BMP2K: variants seen among roughly 807,000 people sequenced by gnomAD.
BMP2K encodes BMP-2-inducible protein kinase.
In BMP2K, 74 loss-of-function variants were observed where a neutral mutation model predicts 116.0. The observed-to-expected ratio is 0.64, with a 90% CI of 0.53 to 0.77. The LOEUF is 0.77. Ranked by LOEUF, BMP2K falls within the 30% of genes least tolerant of loss-of-function variation. The pLI, the probability that BMP2K is intolerant of heterozygous loss-of-function variation, is 0.00. For synonymous variants in BMP2K, 486 were observed against 502.5 expected (o/e 0.97, Z 0.44); for missense variants, 1,365 against 1,403.6 (o/e 0.97, Z 0.44).
chr4:78,833,808 T>G, intron 3 of BMP2K, 121 bp downstream of exon 3: 1 of 657,980 alleles, frequency 1.5e-6, no homozygotes, highest in South Asian at 1.8e-5. Flanking sequence ...TAATCTTACC[T>G]TTCATTATCT....
At chr4:78,795,545 A>C (rs1490471597) in intron 1 of BMP2K, among the ~76,000 whole-genome samples, 5 of 152,158 alleles carry the variant, frequency 3.3e-5, no homozygotes, top group East Asian at 1.9e-4. Flanking sequence ...AATGGGATCT[A>C]ATTAAACTAA....
chr4:78,776,537 C>A lies in BMP2K; in HGVS notation c.-7C>A, dbSNP rs1268588281. On this transcript the variant is annotated 5_prime_UTR_variant, in exon 1 of 16. Coordinates refer to ENST00000502613, the MANE Select transcript of BMP2K (RefSeq NM_198892.2). ...CTCCCTGCGCCCTCCAGCTCGCCGG[C>A]GGGACCATGAAGAAGTTCTCTCGGA... 8.8e-7 allele frequency: 1 copy of A among 1,135,580 alleles called. No individual in the cohort carries two copies. Among genetic ancestry groups the A allele is most frequent in the East Asian group, 4.9e-5 (1 of 20,558 alleles). 70.3% of individuals were successfully genotyped at this position (1,135,580 alleles called of 1,614,324 possible). A position where few individuals can be genotyped will look rare whatever the true frequency, so the allele number is the denominator to read the frequency against.
chr4:78,878,968 T>G (rs761978239), intron 14 of BMP2K, 77 bp downstream of exon 14: 1 of 1,543,138 alleles, frequency 6.5e-7, no homozygotes, highest in Admixed American at 2.3e-5. Context: ...GCCAAAGACT[T>G]TTGAGAATGT....
At chr4:78,847,131 G>C (rs1462645643) in intron 5 of BMP2K, 57 bp from the exon 6 acceptor site, 1 of 991,096 alleles carries the variant, frequency 1.0e-6, no homozygotes, top group Non-Finnish European at 1.3e-6. Flanking sequence ...TGTATTATCT[G>C]TCTTTTTTTT....
chr4:78,831,177 A>G (rs553770441), intron 2 of BMP2K, among the ~76,000 whole-genome samples: 136 of 152,342 alleles, frequency 8.9e-4, no homozygotes, highest in African/African-American at 3.1e-3. Context: ...CAGTTAGAAC[A>G]CATATAACAT....
chr4:78,863,290 A>G (rs1278897312), intron 9 of BMP2K, among the ~76,000 whole-genome samples: 2 of 152,120 alleles, frequency 1.3e-5, no homozygotes, highest in Non-Finnish European at 2.9e-5. Flanking sequence ...ATATTAAAAA[A>G]TTTAGTTTTT....
chr4:78,832,500 G>A (rs1342516731), intron 2 of BMP2K, among the ~76,000 whole-genome samples: 1 of 152,122 alleles, frequency 6.6e-6, no homozygotes, highest in Non-Finnish European at 1.5e-5. Flanking sequence ...CTAGATTAGA[G>A]ATGATTAGAC....
At chr4:78,785,134 G>A (rs541602531) in intron 1 of BMP2K, among the ~76,000 whole-genome samples, 12 of 151,784 alleles carry the variant, frequency 7.9e-5, no homozygotes, top group Admixed American at 2.0e-4. Flanking sequence ...TTTTCAAGAC[G>A]GAGTCTTGCT....
rs1370710501 is a variant in BMP2K, at chr4:78,912,651, AATG to A, written c.*621_*623del. 6.6e-6 allele frequency: 1 copy of A among 152,230 alleles called. No individual in the cohort carries two copies. Among genetic ancestry groups the A allele is most frequent in the Non-Finnish European group, 1.5e-5 (1 of 68,050 alleles). The allele number at this position is 152,230 out of a possible 1,614,324, so 9.4% of individuals were successfully genotyped here. A position where few individuals can be genotyped will look rare whatever the true frequency, so the allele number is the denominator to read the frequency against. ...CAAGTGCCATTAAAATGGAATATCT[AATG>A]ATAAGCATATGAAATAATGTGTAAT... On this transcript the variant is annotated 3_prime_UTR_variant, in exon 16 of 16. Coordinates refer to ENST00000502613, the MANE Select transcript of BMP2K (RefSeq NM_198892.2).
rs541072823 is a variant in BMP2K, at chr4:78,847,245, C to T, written c.726C>T (p.Pro242=). The T allele has an allele frequency of 5.8e-5, 92 of 1,594,936 alleles. 1 individual carries two copies. The South Asian group carries it at 9.4e-4, about 16-fold the overall frequency. ...PEMINLYGGK[P]ITTKADIWAL... is the part of the protein sequence containing the mutation. The stretch of plus-strand genomic sequence containing the variant: ...TGATCAACCTTTATGGAGGGAAACC[C>T]ATCACCACCAAGGCTGATATCTGGG... Residue 242 remains proline (P), a synonymous_variant, in exon 6 of 16, where the codon CCC becomes CCT. Transcript: ENST00000502613.
At chr4:78,796,385 G>T (rs1332566033) in intron 1 of BMP2K, among the ~76,000 whole-genome samples, 2 of 136,902 alleles carry the variant, frequency 1.5e-5, no homozygotes, top group African/African-American at 5.4e-5. Flanking sequence ...GGGGACTGTT[G>T]GGGGGTGGGG....
At chr4:78,818,788 G>GTGTTTT (rs1553914922) in intron 1 of BMP2K, among the ~76,000 whole-genome samples, 2 of 147,496 alleles carry the variant, frequency 1.4e-5, no homozygotes, top group Non-Finnish European at 3.0e-5. Context: ...AGATGAAGCA[G>GTGTTTT]TGTTTTTTTT....
chr4:78,796,425 T>C (rs1290160774), intron 1 of BMP2K, among the ~76,000 whole-genome samples: 2 of 149,332 alleles, frequency 1.3e-5, no homozygotes, highest in African/African-American at 2.4e-5. Context: ...TTGGGAGATA[T>C]ACCTAATGCT....
At chr4:78,807,955 C>G (rs60981779) in intron 1 of BMP2K, among the ~76,000 whole-genome samples, 8,883 of 152,048 alleles carry the variant, frequency 0.058, 372 homozygotes, top group East Asian at 0.22. Context: ...TTTCTCTATA[C>G]TTTTTTTATT....
chr4:78,794,778 G>T (rs1022141561), intron 1 of BMP2K, among the ~76,000 whole-genome samples: 2 of 152,086 alleles, frequency 1.3e-5, no homozygotes, highest in African/African-American at 2.4e-5. Context: ...TTCCAGGTTG[G>T]TCTTGAACCC....
intron 13 of BMP2K, 118 bp downstream of exon 13, chr4:78,872,916 C>G (rs755534717): frequency 2.9e-6 from 3 of 1,042,540 alleles, no homozygotes; most frequent in Non-Finnish European, 4.1e-6. Context: ...GTAGAGCCAC[C>G]CATTCTCTCT....
intron 1 of BMP2K, among the ~76,000 whole-genome samples, chr4:78,790,904 G>C (rs1227239644): frequency 1.3e-5 from 2 of 152,014 alleles, no homozygotes; most frequent in Non-Finnish European, 2.9e-5. Flanking sequence ...TTTTAAAAAT[G>C]TAACCCATTC....
chr4:78,875,393 T>C (rs1352583786), intron 13 of BMP2K, among the ~76,000 whole-genome samples: 1 of 152,190 alleles, frequency 6.6e-6, no homozygotes, highest in Non-Finnish European at 1.5e-5. Flanking sequence ...TCTACTATCT[T>C]TTGCTAAACT....
At chr4:78,812,950 G>GGGAGGATCGCTTGAGCCT (rs1347597963) in intron 1 of BMP2K, among the ~76,000 whole-genome samples, 1 of 151,884 alleles carries the variant, frequency 6.6e-6, no homozygotes, top group African/African-American at 2.4e-5. Context: ...AGGCTGAGGT[G>GGGAGGATCGCTTGAGCCT]GGAGGATCGC....
Sources: gnomAD v4.1 joint callset for allele counts (sites outside exome capture counted in the v4.1 genomes callset) on GRCh38, gnomAD v4.1.1 for gene constraint, MANE v1.5 for transcripts, NCBI Gene and HGNC (gene_info 2026-07-23, HGNC 2026-07-21) for gene names.